Variants in CTNNA3 observed in about 807,000 individuals in gnomAD.
CTNNA3 encodes catenin alpha-3.
A neutral mutation model predicts 95.7 loss-of-function variants in CTNNA3; 76 were observed. The ratio of observed to expected loss-of-function variants is 0.79; its 90% CI spans 0.66 to 0.96. CTNNA3 has a LOEUF of 0.96. Ranked by LOEUF, CTNNA3 falls within the 40% of genes least tolerant of loss-of-function variation. The probability of loss-of-function intolerance (pLI) is 0.00; values close to 1 mark genes in which losing one functional copy is unlikely to be tolerated. For missense variants in CTNNA3, 1,191 were observed against 1,089.8 expected, an observed-to-expected ratio of 1.09 and a Z score of -1.31; for synonymous variants, 431 against 374.4, an observed-to-expected ratio of 1.15 and a Z score of -1.74.
chr10:66,990,075 G>A (rs531420814), intron 7 of CTNNA3, among the ~76,000 whole-genome samples: 4 of 152,288 alleles, frequency 2.6e-5, no homozygotes, highest in African/African-American at 9.6e-5. Flanking sequence ...ACTATGAGAT[G>A]GGTTGGAGAA....
At position 65,913,920 on chromosome 10, in the gene CTNNA3, CAGAAT is replaced by C. The variant is rs1402650351; in HGVS notation, c.*6405_*6409del. 2 of 152,064 alleles carry C rather than the reference CAGAAT, an allele frequency of 1.3e-5. No individual in the cohort carries two copies. Among genetic ancestry groups the C allele is most frequent in the African/African-American group, 2.4e-5 (1 of 41,402 alleles). 9.4% of individuals were successfully genotyped at this position (152,064 alleles called of 1,614,324 possible). ...CCTGAGTCTGCAGAAGCTGGGCTGTCAGAATAGAAAAGCAAGATATCTACAGGCTT... is the reference window on the plus strand; with the variant it reads ...CCTGAGTCTGCAGAAGCTGGGCTGTCAGAAAAGCAAGATATCTACAGGCTT... On this transcript the variant is annotated 3_prime_UTR_variant, in exon 18 of 18. Coordinates refer to ENST00000433211, the MANE Select transcript of CTNNA3 (RefSeq NM_013266.4).
At chr10:66,814,863 T>C (rs566541813) in intron 7 of CTNNA3, among the ~76,000 whole-genome samples, 1 of 149,476 alleles carries the variant, frequency 6.7e-6, no homozygotes, top group Non-Finnish European at 1.5e-5. Context: ...TTTTTTTTTT[T>C]TTTTTTGAGA....
At chr10:66,183,601 T>C (rs1047629595) in intron 13 of CTNNA3, among the ~76,000 whole-genome samples, 2 of 152,248 alleles carry the variant, frequency 1.3e-5, no homozygotes, top group African/African-American at 4.8e-5. Flanking sequence ...GTTAACACTT[T>C]GGCTTTTCTC....
At chr10:67,510,790 G>A (rs1489249515) in intron 5 of CTNNA3, among the ~76,000 whole-genome samples, 2 of 152,136 alleles carry the variant, frequency 1.3e-5, no homozygotes, top group Non-Finnish European at 1.5e-5. Flanking sequence ...TGGGCAGTAT[G>A]GCCATTTTCA....
At chr10:66,530,593 G>T (rs953777578) in intron 10 of CTNNA3, among the ~76,000 whole-genome samples, 4 of 152,104 alleles carry the variant, frequency 2.6e-5, no homozygotes, top group African/African-American at 9.7e-5. Context: ...CTCCATGTCA[G>T]AACTTTATGT....
At chr10:66,586,383 C>T (rs1331773917) in intron 10 of CTNNA3, among the ~76,000 whole-genome samples, 2 of 152,068 alleles carry the variant, frequency 1.3e-5, no homozygotes, top group Non-Finnish European at 2.9e-5. Flanking sequence ...GAGGTCTTTT[C>T]ATGGGGAAGT....
intron 7 of CTNNA3, among the ~76,000 whole-genome samples, chr10:67,122,651 C>T (rs1457191688): frequency 1.3e-5 from 2 of 152,048 alleles, no homozygotes; most frequent in Admixed American, 1.3e-4. Context: ...CTTATTTTGA[C>T]TCTCTAGATT....
chr10:66,564,385 G>T (rs1003889196), intron 10 of CTNNA3, among the ~76,000 whole-genome samples: 1 of 152,132 alleles, frequency 6.6e-6, no homozygotes, highest in Non-Finnish European at 1.5e-5. Flanking sequence ...TTTCAGCAGG[G>T]CTATGGTCTA....
At chr10:67,330,680 G>A (rs1263980746) in intron 5 of CTNNA3, among the ~76,000 whole-genome samples, 3 of 143,116 alleles carry the variant, frequency 2.1e-5, no homozygotes, top group African/African-American at 7.5e-5. Flanking sequence ...GAGAGGAACT[G>A]ACTTGTATAA....
At chr10:66,986,842 T>A (rs920258829) in intron 7 of CTNNA3, among the ~76,000 whole-genome samples, 1 of 152,134 alleles carries the variant, frequency 6.6e-6, no homozygotes, top group Non-Finnish European at 1.5e-5. Context: ...TAACAGATGT[T>A]TATTGAACAC....
At chr10:66,343,001 G>A (rs780517282) in intron 12 of CTNNA3, among the ~76,000 whole-genome samples, 10 of 151,908 alleles carry the variant, frequency 6.6e-5, no homozygotes, top group Non-Finnish European at 5.9e-5. Context: ...TATGAATACT[G>A]AAGTTCAGAA....
At chr10:67,496,795 G>T (rs1839037367) in intron 5 of CTNNA3, among the ~76,000 whole-genome samples, 1 of 152,006 alleles carries the variant, frequency 6.6e-6, no homozygotes. Context: ...ATAATCATAA[G>T]CCATATATAA....
intron 15 of CTNNA3, among the ~76,000 whole-genome samples, chr10:66,059,286 C>T (rs1324087636): frequency 1.3e-5 from 2 of 152,018 alleles, no homozygotes; most frequent in Admixed American, 1.3e-4. Flanking sequence ...CTCATAAATA[C>T]AGAATTGTGT....
chr10:66,752,355 A>G (rs929428657), intron 9 of CTNNA3, among the ~76,000 whole-genome samples: 3 of 152,202 alleles, frequency 2.0e-5, no homozygotes, highest in Non-Finnish European at 4.4e-5. Context: ...TAATCTTTTC[A>G]GCAAATAACG....
At chr10:65,950,845 T>G (rs55871718) in intron 17 of CTNNA3, among the ~76,000 whole-genome samples, 3,943 of 152,288 alleles carry the variant, frequency 0.026, 155 homozygotes, top group African/African-American at 0.09. Flanking sequence ...ATCTATACTT[T>G]TTTTTATCTC....
chr10:67,081,427 A>G (rs1320396396), intron 7 of CTNNA3, among the ~76,000 whole-genome samples: 2 of 152,228 alleles, frequency 1.3e-5, no homozygotes, highest in Non-Finnish European at 2.9e-5. Flanking sequence ...CTCTAGCACT[A>G]ACAACAAAAC....
intron 7 of CTNNA3, among the ~76,000 whole-genome samples, chr10:66,976,704 C>T (rs540458361): frequency 9.2e-4 from 140 of 152,238 alleles, no homozygotes; most frequent in African/African-American, 2.8e-3. Flanking sequence ...TTACTTTCTT[C>T]GTCAATACAA....
intron 9 of CTNNA3, among the ~76,000 whole-genome samples, chr10:66,748,691 A>G (rs968301702): frequency 6.6e-6 from 1 of 152,312 alleles, no homozygotes; most frequent in Non-Finnish European, 1.5e-5. Flanking sequence ...TAATTAATTC[A>G]GTTTATTTTT....
At position 66,201,783 on chromosome 10, in the gene CTNNA3, C is replaced by CTTTTTTTTTT. The variant is rs1236010501; in HGVS notation, c.1884+78677_1884+78686dup. Among the ~76,000 whole-genome samples, 229 of 79,346 alleles carry CTTTTTTTTTT rather than the reference C, an allele frequency of 2.9e-3. 5 individuals are homozygous for CTTTTTTTTTT. Among genetic ancestry groups the CTTTTTTTTTT allele is most frequent in the African/African-American group, 4.1e-3 (80 of 19,426 alleles). The allele number at this position is 79,346 out of a possible 152,430, so 52.1% of individuals were successfully genotyped here. Reference sequence around the variant, plus strand: ...GATTGTTGCTGTCTTTTTACTTTTTCTTTTTTTTTTTTTTTTTTTTTTGAG... The same window carrying CTTTTTTTTTT: ...GATTGTTGCTGTCTTTTTACTTTTTCTTTTTTTTTTTTTTTTTTTTTTTTTTTTTTTTGAG... On this transcript the variant is annotated intron_variant, in intron 13 of 17. Coordinates refer to ENST00000433211, the MANE Select transcript of CTNNA3 (RefSeq NM_013266.4).
Sources: gnomAD v4.1 joint callset for allele counts (sites outside exome capture counted in the v4.1 genomes callset) on GRCh38, gnomAD v4.1.1 for gene constraint, MANE v1.5 for transcripts, NCBI Gene and HGNC (gene_info 2026-07-23, HGNC 2026-07-21) for gene names.